Variants in FSTL5 observed in about 807,000 individuals in gnomAD.
The protein encoded by FSTL5 is follistatin-related protein 5.
Under a neutral mutation model 89.1 loss-of-function variants are expected in FSTL5, and 62 were observed. The observed-to-expected ratio is 0.70, with a 90% confidence interval of 0.57 to 0.86. The LOEUF (loss-of-function observed/expected upper bound fraction) is 0.86. FSTL5 is among the 40% of genes least tolerant of loss of function. The pLI is 0.00. For synonymous variants in FSTL5, 383 were observed against 346.2 expected (o/e 1.11, Z -1.18); for missense variants, 1,057 against 1,001.6 (o/e 1.06, Z -0.75).
rs1225958419 is a variant in FSTL5 at position 161,664,535 on chromosome 4, C to A, written c.728-8041G>T. On this transcript the variant is annotated intron_variant, in intron 6 of 15. Transcript: ENST00000306100. ...CATCTCCATCTGAGACCACCTCAGC[C>A]TGGACGTTATTGTTCATATCACCAT... 2.0e-5 allele frequency among the ~76,000 whole-genome samples: 3 copies of A among 152,268 alleles called. No homozygotes were observed. The East Asian group carries it at 5.8e-4, about 29-fold the overall frequency.
chr4:161,608,562 G>C (rs1031249225), intron 7 of FSTL5, among the ~76,000 whole-genome samples: 40 of 151,696 alleles, frequency 2.6e-4, no homozygotes, highest in Admixed American at 6.6e-4. Flanking sequence ...TTCATAATTT[G>C]GAAATTTTCT....
chr4:161,876,936 G>A (rs1222163616), intron 4 of FSTL5, among the ~76,000 whole-genome samples: 1 of 152,038 alleles, frequency 6.6e-6, no homozygotes, highest in Non-Finnish European at 1.5e-5. Context: ...TGTAATCCCA[G>A]CACTTTGGGA....
rs766725548 is a variant in FSTL5, at chr4:161,759,314, A to T, written c.727+97T>A. On this transcript the variant is annotated intron_variant, in intron 6 of 15. Coordinates refer to ENST00000306100, the MANE Select transcript of FSTL5 (RefSeq NM_020116.5). ...ACTAAATTATATAATTTTTCTTAAG[A>T]AACAGCTTGTACTATGAGAGCAAGC... 1,312 of 1,131,106 alleles carry T rather than the reference A, an allele frequency of 1.2e-3. 2 individuals are homozygous for T. Among genetic ancestry groups the T allele is most frequent in the Non-Finnish European group, 1.5e-3 (1,226 of 814,436 alleles). 70.1% of individuals were successfully genotyped at this position (1,131,106 alleles called of 1,614,324 possible).
At chr4:161,710,237 G>C (rs2126738963) in intron 6 of FSTL5, among the ~76,000 whole-genome samples, 1 of 152,026 alleles carries the variant, frequency 6.6e-6, no homozygotes, top group African/African-American at 2.4e-5. Context: ...GAAAGTGCTG[G>C]GATTACAGGT....
intron 2 of FSTL5, among the ~76,000 whole-genome samples, chr4:162,088,128 A>C (rs1730395783): frequency 6.6e-6 from 1 of 151,604 alleles, no homozygotes; most frequent in Admixed American, 6.6e-5. Flanking sequence ...ATGATATTTA[A>C]ATAATATGTG....
chr4:161,589,955 C>T (rs1486257199), intron 7 of FSTL5, among the ~76,000 whole-genome samples: 1 of 151,974 alleles, frequency 6.6e-6, no homozygotes, highest in African/African-American at 2.4e-5. Flanking sequence ...TAACACAAAA[C>T]AGAGATAGGA....
At chr4:161,847,938 A>C (rs1204637365) in intron 4 of FSTL5, among the ~76,000 whole-genome samples, 1 of 143,798 alleles carries the variant, frequency 7.0e-6, no homozygotes, top group Non-Finnish European at 1.5e-5. Flanking sequence ...CGGGAGACTG[A>C]GGAAGGATAA....
chr4:161,616,029 A>C (rs1186976271), intron 7 of FSTL5, among the ~76,000 whole-genome samples: 1 of 151,922 alleles, frequency 6.6e-6, no homozygotes, highest in African/African-American at 2.4e-5. Flanking sequence ...AAAATGATTT[A>C]CAAAAGAGCA....
At chr4:161,909,922 A>G (rs1312453418) in intron 4 of FSTL5, among the ~76,000 whole-genome samples, 2 of 152,148 alleles carry the variant, frequency 1.3e-5, no homozygotes, top group Non-Finnish European at 2.9e-5. Flanking sequence ...AATACTGAAT[A>G]TTGAATATAT....
In FSTL5 at chr4:161,664,156, G is replaced by A. The variant is rs376865678; in HGVS notation, c.728-7662C>T. Among the ~76,000 whole-genome samples, 75 of 152,296 alleles carry A rather than the reference G, an allele frequency of 4.9e-4. No individual in the cohort carries two copies. In the East Asian group the frequency reaches 0.014, roughly 29 times the overall value. On this transcript the variant is annotated intron_variant, in intron 6 of 15. Coordinates refer to ENST00000306100, the MANE Select transcript of FSTL5 (RefSeq NM_020116.5). Reference sequence around the variant, plus strand: ...GTGAAGGTCTCTGACACGGCCTGAAGACATTTTCCCAATTGTCTTTGGGAA... The same window carrying A: ...GTGAAGGTCTCTGACACGGCCTGAAAACATTTTCCCAATTGTCTTTGGGAA...
In FSTL5 at chr4:161,929,660, C is replaced by CGTGTGTGTGTGT. The variant is rs765281533; in HGVS notation, c.161-9020_161-9009dup. 6.8e-4 allele frequency among the ~76,000 whole-genome samples: 86 copies of CGTGTGTGTGTGT among 126,932 alleles called. 1 individual carries two copies. The East Asian group carries it at 8.4e-3, about 12-fold the overall frequency. 83.3% of individuals were successfully genotyped at this position (126,932 alleles called of 152,430 possible). A position where few individuals can be genotyped will look rare whatever the true frequency, so the allele number is the denominator to read the frequency against. On this transcript the variant is annotated intron_variant, in intron 3 of 15. Coordinates refer to ENST00000306100, the MANE Select transcript of FSTL5 (RefSeq NM_020116.5). The stretch of plus-strand genomic sequence containing the variant: ...CCACTCTAGCAGATGTAGGTAGGCA[C>CGTGTGTGTGTGT]GTGTGTGTGTGTGTGTGTGTGTGTG...
chr4:161,678,473 C>G (rs1409466275), intron 6 of FSTL5, among the ~76,000 whole-genome samples: 1 of 151,682 alleles, frequency 6.6e-6, no homozygotes, highest in Non-Finnish European at 1.5e-5. Context: ...ATAATAGAAC[C>G]TACACAAATA....
rs187548616 is a variant in FSTL5 at position 161,860,917 on chromosome 4, A to T, written c.409+59487T>A. ...CTCTTTTCACCCCTCTCTCTCTCACACACACACACATGCACACACACACAA... is the reference window on the plus strand; with the variant it reads ...CTCTTTTCACCCCTCTCTCTCTCACTCACACACACATGCACACACACACAA... On this transcript the variant is annotated intron_variant, in intron 4 of 15. Transcript: ENST00000306100. Among the ~76,000 whole-genome samples, 849 of 151,970 alleles carry T rather than the reference A, an allele frequency of 5.6e-3. 3 individuals carry two copies. Among genetic ancestry groups the T allele is most frequent in the Admixed American group, 0.013 (197 of 15,254 alleles).
intron 4 of FSTL5, among the ~76,000 whole-genome samples, chr4:161,827,199 C>A (rs1041652956): frequency 2.6e-5 from 4 of 152,246 alleles, no homozygotes; most frequent in South Asian, 4.1e-4. Flanking sequence ...TTCCTGAGAG[C>A]GGAACTGTAG....
intron 3 of FSTL5, among the ~76,000 whole-genome samples, chr4:161,957,661 A>G (rs1048554463): frequency 6.6e-6 from 1 of 152,134 alleles, no homozygotes; most frequent in South Asian, 2.1e-4. Context: ...TCCATTAAAT[A>G]TCGTATTTAA....
chr4:161,661,540 A>G (rs1736711436), intron 6 of FSTL5, among the ~76,000 whole-genome samples: 1 of 152,194 alleles, frequency 6.6e-6, no homozygotes, highest in African/African-American at 2.4e-5. Context: ...ATTCTCATAT[A>G]AGATAACCAC....
chr4:161,463,629 A>G (rs1733652277), intron 13 of FSTL5, among the ~76,000 whole-genome samples: 1 of 152,220 alleles, frequency 6.6e-6, no homozygotes, highest in Admixed American at 6.5e-5. Flanking sequence ...TATGCTCTTG[A>G]AATGGACTTT....
intron 2 of FSTL5, among the ~76,000 whole-genome samples, chr4:162,085,917 G>C (rs1278861423): frequency 2.0e-5 from 3 of 151,984 alleles, no homozygotes; most frequent in Non-Finnish European, 4.4e-5. Context: ...ATCACAAACT[G>C]TCACAGTTAC....
At chr4:161,775,746 G>A in intron 5 of FSTL5, 132 bp downstream of exon 5, 1 of 460,794 alleles carries the variant, frequency 2.2e-6, no homozygotes, top group Non-Finnish European at 3.8e-6. Flanking sequence ...CTACAAAAAT[G>A]TTGTTATTCA....
Sources: gnomAD v4.1 joint callset for allele counts (sites outside exome capture counted in the v4.1 genomes callset) on GRCh38, gnomAD v4.1.1 for gene constraint, MANE v1.5 for transcripts, NCBI Gene and HGNC (gene_info 2026-07-23, HGNC 2026-07-21) for gene names.